Variants in JPH3 observed in about 807,000 individuals in gnomAD.
JPH3 encodes junctophilin-3.
JPH3 carries 11 observed loss-of-function variants against 59.6 expected under a neutral mutation model. The ratio of observed to expected loss-of-function variants is 0.18; its 90% CI spans 0.12 to 0.31. JPH3 has a LOEUF of 0.31. JPH3 is among the 10% of genes least tolerant of loss of function. The probability of loss-of-function intolerance (pLI) is 1.00; values close to 1 mark genes in which losing one functional copy is unlikely to be tolerated. For synonymous variants in JPH3, 673 were observed against 483.6 expected (o/e 1.39, Z -5.14); for missense variants, 1,202 against 1,105.7 (o/e 1.09, Z -1.24).
intron 1 of JPH3, among the ~76,000 whole-genome samples, chr16:87,605,914 G>A (rs887643385): frequency 1.3e-5 from 2 of 152,258 alleles, no homozygotes; most frequent in Non-Finnish European, 2.9e-5. Context: ...CAGATGGGGA[G>A]CTTCATGGCC....
Position 87,690,469 on chromosome 16 carries a change from C to G in JPH3, c.2109C>G (p.Ser703=). 1 of 1,487,944 alleles carries G rather than the reference C, an allele frequency of 6.7e-7. No homozygotes were observed. Among genetic ancestry groups the G allele is most frequent in the Non-Finnish European group, 8.9e-7 (1 of 1,120,762 alleles). The allele number at this position is 1,487,944 out of a possible 1,614,324, so 92.2% of individuals were successfully genotyped here. A position where few individuals can be genotyped will look rare whatever the true frequency, so the allele number is the denominator to read the frequency against. Residue 703 remains serine, a synonymous_variant, in exon 4 of 5, where the codon TCC becomes TCG. Coordinates refer to ENST00000284262, the MANE Select transcript of JPH3 (RefSeq NM_020655.4). ...TGACCTTCTCCCCGCCCCAGAAATC[C>G]TTGCCTGTCGCTCTAGAGTCCGACG... is the stretch of plus-strand genomic sequence containing the variant. The part of the protein sequence containing the change: ...WDLTFSPPQK[S]LPVALESDEE...
intron 4 of JPH3, chr16:87,693,814 GGTGT>G (rs2033683482): frequency 6.6e-6 from 1 of 152,348 alleles, no homozygotes; most frequent in Non-Finnish European, 1.5e-5. Context: ...GCACGGCGGG[GGTGT>G]GTGAGACCTG....
chr16:87,648,927 G>C (rs1299846882), intron 2 of JPH3, among the ~76,000 whole-genome samples: 1 of 152,214 alleles, frequency 6.6e-6, no homozygotes, highest in African/African-American at 2.4e-5. Flanking sequence ...CTGCTGGCCT[G>C]AGCGTCCCCG....
intron 2 of JPH3, among the ~76,000 whole-genome samples, chr16:87,675,745 C>T (rs1218858062): frequency 6.6e-6 from 1 of 152,214 alleles, no homozygotes; most frequent in Non-Finnish European, 1.5e-5. Flanking sequence ...CAGCAGGAAG[C>T]AGGTGTGGGG....
chr16:87,620,465 G>A (rs920398515), intron 1 of JPH3, among the ~76,000 whole-genome samples: 1 of 137,920 alleles, frequency 7.3e-6, no homozygotes, highest in African/African-American at 2.8e-5. Context: ...GGAGAGAGAG[G>A]GAGAGAAGGA....
In JPH3 at chr16:87,633,481, C is replaced by CAA. The variant is rs201116071; in HGVS notation, c.383-10777_383-10776insAA. Among the ~76,000 whole-genome samples the CAA allele has an allele frequency of 2.0e-3, 295 of 145,870 alleles. 3 individuals carry two copies. The highest frequency in any genetic ancestry group is 7.7e-3 in the African/African-American group (284 of 37,080). ...CTATTCAGAACTCCACTAAGATTAA[C>CAA]CAAAAAAAAAAATTTATATATATAT... On this transcript the variant is annotated intron_variant, in intron 1 of 4. Transcript: ENST00000284262.
Position 87,602,548 on chromosome 16 carries a change from A to ACCGCCG in JPH3, c.-587_-582dup, listed in dbSNP as rs1356941486. ...GCCCGGAGCGCACGCCGCCGCCGCC[A>ACCGCCG]CCGCCGCCGCCGCCGCCCGAGCCGC... On this transcript the variant is annotated 5_prime_UTR_variant, in exon 1 of 5. Coordinates refer to ENST00000284262, the MANE Select transcript of JPH3 (RefSeq NM_020655.4). Among the ~76,000 whole-genome samples the ACCGCCG allele has an allele frequency of 1.8e-4, 24 of 131,526 alleles. No homozygotes were observed. Among genetic ancestry groups the ACCGCCG allele is most frequent in the East Asian group, 5.2e-4 (2 of 3,874 alleles). The allele number at this position is 131,526 out of a possible 152,430, so 86.3% of individuals were successfully genotyped here.
chr16:87,691,270 C>T (rs1374671804), intron 4 of JPH3, among the ~76,000 whole-genome samples: 1 of 152,218 alleles, frequency 6.6e-6, no homozygotes, highest in African/African-American at 2.4e-5. Flanking sequence ...AAATCCCACC[C>T]TGCTCCCTTG....
chr16:87,653,647 A>G (rs577573218), intron 2 of JPH3: 2 of 152,250 alleles, frequency 1.3e-5, no homozygotes, highest in Non-Finnish European at 2.9e-5. Flanking sequence ...GGTTATGTAT[A>G]TGAAGGAGGT....
At chr16:87,616,190 T>TTGTGTGTG (rs56053716) in intron 1 of JPH3, among the ~76,000 whole-genome samples, 3,573 of 115,938 alleles carry the variant, frequency 0.031, 112 homozygotes, top group East Asian at 0.14. Context: ...CAATCTGGTT[T>TTGTGTGTG]TGTGTGTGTG....
At chr16:87,622,329 C>A (rs371822176) in intron 1 of JPH3, among the ~76,000 whole-genome samples, 4 of 152,208 alleles carry the variant, frequency 2.6e-5, no homozygotes, top group Non-Finnish European at 4.4e-5. Context: ...GGTCAGCTTC[C>A]CAGGGGGCAC....
At position 87,674,161 on chromosome 16, in the gene JPH3, C is replaced by A. The variant is rs556529182; in HGVS notation, c.1161-9981C>A. Reference sequence around the variant, plus strand: ...CATCCTGGCTAACACGGTGAAACCCCGTCTCTACTAAAAATACAAAAAATT... The same window carrying A: ...CATCCTGGCTAACACGGTGAAACCCAGTCTCTACTAAAAATACAAAAAATT... On this transcript the variant is annotated intron_variant, in intron 2 of 4. Coordinates refer to ENST00000284262, the MANE Select transcript of JPH3 (RefSeq NM_020655.4). Among the ~76,000 whole-genome samples the A allele has an allele frequency of 2.2e-4, 33 of 151,884 alleles. No individual in the cohort carries two copies. In the South Asian group the frequency reaches 6.9e-3, roughly 32 times the overall value.
At chr16:87,662,756 G>C (rs2032745126) in intron 2 of JPH3, among the ~76,000 whole-genome samples, 1 of 152,232 alleles carries the variant, frequency 6.6e-6, no homozygotes, top group African/African-American at 2.4e-5. Context: ...ATGTAGCTCA[G>C]ACCCTCCTCA....
At chr16:87,637,634 C>G (rs1359286918) in intron 1 of JPH3, among the ~76,000 whole-genome samples, 1 of 152,140 alleles carries the variant, frequency 6.6e-6, no homozygotes, top group Non-Finnish European at 1.5e-5. Flanking sequence ...CTTCTGCTCT[C>G]CTTTCCAGAT....
intron 1 of JPH3, among the ~76,000 whole-genome samples, chr16:87,640,309 C>T (rs1425825801): frequency 6.8e-6 from 1 of 146,342 alleles, no homozygotes; most frequent in African/African-American, 2.6e-5. Flanking sequence ...AGCCTGGCGA[C>T]AGAGCAAGAC....
intron 2 of JPH3, among the ~76,000 whole-genome samples, chr16:87,672,642 G>C (rs981618581): frequency 3.9e-5 from 6 of 152,234 alleles, no homozygotes; most frequent in Non-Finnish European, 7.3e-5. Flanking sequence ...GATTGGTGCG[G>C]GTGACGAGGA....
chr16:87,614,519 C>A (rs1050008615), intron 1 of JPH3, among the ~76,000 whole-genome samples: 12 of 151,098 alleles, frequency 7.9e-5, no homozygotes, highest in African/African-American at 2.9e-4. Flanking sequence ...AACGCAGGTC[C>A]ATGCACACAG....
At chr16:87,635,307 T>C (rs1482671201) in intron 1 of JPH3, among the ~76,000 whole-genome samples, 1 of 152,180 alleles carries the variant, frequency 6.6e-6, no homozygotes, top group South Asian at 2.1e-4. Context: ...TCTCTCCAGC[T>C]GGGACCCCGG....
chr16:87,631,467 C>T (rs916118456), intron 1 of JPH3, among the ~76,000 whole-genome samples: 4 of 152,298 alleles, frequency 2.6e-5, no homozygotes, highest in African/African-American at 9.6e-5. Flanking sequence ...CCATGCTGTT[C>T]TGATTCTCAG....
Sources: gnomAD v4.1 joint callset for allele counts (sites outside exome capture counted in the v4.1 genomes callset) on GRCh38, gnomAD v4.1.1 for gene constraint, MANE v1.5 for transcripts, NCBI Gene and HGNC (gene_info 2026-07-23, HGNC 2026-07-21) for gene names.